The following UNC13C variants were observed in gnomAD, a reference collection of about 807,000 sequenced individuals.
UNC13C encodes the protein protein unc-13 homolog C.
In UNC13C, 174 loss-of-function variants were observed where a neutral mutation model predicts 245.4. The ratio of observed to expected loss-of-function variants is 0.71; its 90% confidence interval spans 0.63 to 0.80. The LOEUF (loss-of-function observed/expected upper bound fraction) is 0.80. UNC13C is among the 30% of genes least tolerant of loss of function. UNC13C has a pLI of 0.00. For synonymous variants in UNC13C, 992 were observed against 895.1 expected (o/e 1.11, Z -1.93); for missense variants, 2,829 against 2,602.9 (o/e 1.09, Z -1.89).
chr15:53,934,390 C>G, the UNC13C span, among the ~76,000 whole-genome samples: 4 of 152,176 alleles, frequency 2.6e-5, no homozygotes, highest in African/African-American at 9.7e-5. Context: ...AGAGTTCTTT[C>G]CAACCCCCGC....
chr15:54,342,087 T>G (rs1249181513), intron 17 of UNC13C, among the ~76,000 whole-genome samples: 1 of 152,212 alleles, frequency 6.6e-6, no homozygotes, highest in Non-Finnish European at 1.5e-5. Flanking sequence ...TGAACGTATT[T>G]TCACATATGA....
the UNC13C span, among the ~76,000 whole-genome samples, chr15:53,943,217 A>G: frequency 3.9e-5 from 6 of 152,192 alleles, no homozygotes; most frequent in Non-Finnish European, 8.8e-5. Context: ...CTGCTTCTTC[A>G]TGTATCAAGT....
rs1491473719 is a variant in UNC13C, at chr15:54,455,206, T to TCTCTCC, written c.4934-39402_4934-39401insCTCTCC. Among the ~76,000 whole-genome samples the TCTCTCC allele has an allele frequency of 2.2e-3, 53 of 24,026 alleles. 5 individuals carry two copies. Among genetic ancestry groups the TCTCTCC allele is most frequent in the South Asian group, 8.5e-3 (4 of 472 alleles). 15.8% of individuals were successfully genotyped at this position (24,026 alleles called of 152,430 possible). A position where few individuals can be genotyped will look rare whatever the true frequency, so the allele number is the denominator to read the frequency against. ...CTCTCTCTCTCTCTCTCTCTCTCTC[T>TCTCTCC]ATATATATATATATATATATATATA... On this transcript the variant is annotated intron_variant, in intron 19 of 32. Transcript: ENST00000260323.
intron 4 of UNC13C, among the ~76,000 whole-genome samples, chr15:54,223,566 T>C (rs2140790939): frequency 6.6e-6 from 1 of 151,646 alleles, no homozygotes; most frequent in East Asian, 1.9e-4. Flanking sequence ...TTGTATGTTT[T>C]GTTTTTGTTT....
the UNC13C span, among the ~76,000 whole-genome samples, chr15:53,903,387 G>T: frequency 6.6e-6 from 1 of 152,156 alleles, no homozygotes; most frequent in African/African-American, 2.4e-5. Flanking sequence ...ATATTTCAGG[G>T]TTTAATCTCT....
At chr15:53,971,842 T>G in the UNC13C span, among the ~76,000 whole-genome samples, 1 of 152,176 alleles carries the variant, frequency 6.6e-6, no homozygotes, top group Non-Finnish European at 1.5e-5. Context: ...ATGATGGTGT[T>G]GATAAAAGGA....
At chr15:54,103,966 ATC>A (rs1022743438) in intron 2 of UNC13C, among the ~76,000 whole-genome samples, 3 of 125,258 alleles carry the variant, frequency 2.4e-5, no homozygotes, top group Admixed American at 8.9e-5. Context: ...GATGGTCTCA[ATC>A]TCTTGACCTC....
chr15:54,030,793 C>T (rs1896325336), intron 2 of UNC13C, among the ~76,000 whole-genome samples: 2 of 152,126 alleles, frequency 1.3e-5, no homozygotes, highest in African/African-American at 4.8e-5. Flanking sequence ...ACACTGTGTC[C>T]TCAGGTGGCA....
At chr15:54,179,339 T>C (rs1220865065) in intron 4 of UNC13C, among the ~76,000 whole-genome samples, 1 of 152,130 alleles carries the variant, frequency 6.6e-6, no homozygotes, top group Non-Finnish European at 1.5e-5. Context: ...ATTTAGTCTG[T>C]ATCTACAGAC....
At chr15:53,868,684 A>C in the UNC13C span, among the ~76,000 whole-genome samples, 1 of 152,208 alleles carries the variant, frequency 6.6e-6, no homozygotes, top group African/African-American at 2.4e-5. Context: ...TAAAGAAGTA[A>C]AAATGACCCA....
intron 10 of UNC13C, among the ~76,000 whole-genome samples, chr15:54,270,027 A>G (rs2036644713): frequency 1.3e-5 from 2 of 152,162 alleles, no homozygotes; most frequent in South Asian, 4.1e-4. Flanking sequence ...TTAAATGCCA[A>G]CTTTTTTAAC....
chr15:54,479,682 T>G (rs4641682), intron 19 of UNC13C, among the ~76,000 whole-genome samples: 67,082 of 151,846 alleles, frequency 0.44, 15,127 homozygotes, highest in East Asian at 0.71. Flanking sequence ...TTTACAATTT[T>G]TTGGGTTTTC....
At chr15:54,454,124 G>GAT (rs111937074) in intron 19 of UNC13C, among the ~76,000 whole-genome samples, 1,036 of 87,660 alleles carry the variant, frequency 0.012, 3 homozygotes, top group African/African-American at 0.038. Flanking sequence ...TTTTTATTGT[G>GAT]ATATATATAT....
the UNC13C span, chr15:53,947,533 C>T: frequency 6.6e-6 from 1 of 152,308 alleles, no homozygotes; most frequent in African/African-American, 2.4e-5. Flanking sequence ...GAAGTAGCTG[C>T]TCCTTTTCCT....
chr15:54,264,126 A>G (rs969096499), intron 8 of UNC13C, 42 bp from the exon 9 acceptor site: 1 of 1,538,178 alleles, frequency 6.5e-7, no homozygotes, highest in Non-Finnish European at 8.8e-7. Flanking sequence ...TCAAAAAGTA[A>G]TGGCATTTCC....
chr15:54,390,060 C>A (rs1259853032), intron 17 of UNC13C, among the ~76,000 whole-genome samples: 1 of 152,126 alleles, frequency 6.6e-6, no homozygotes, highest in Non-Finnish European at 1.5e-5. Context: ...GAGGTCTCCT[C>A]CCAACCCAAG....
At chr15:54,303,722 G>T (rs2037650465) in intron 13 of UNC13C, among the ~76,000 whole-genome samples, 1 of 151,256 alleles carries the variant, frequency 6.6e-6, no homozygotes, top group East Asian at 2.0e-4. Flanking sequence ...GACGACATGT[G>T]CCCAAGGTGG....
intron 4 of UNC13C, among the ~76,000 whole-genome samples, chr15:54,155,960 TA>T (rs1338138634): frequency 6.6e-6 from 1 of 152,186 alleles, no homozygotes; most frequent in African/African-American, 2.4e-5. Context: ...TTGGGAAATG[TA>T]AGTTGAAAGT....
chr15:54,172,705 TATA>T (rs1268623449), intron 4 of UNC13C, among the ~76,000 whole-genome samples: 20 of 39,924 alleles, frequency 5.0e-4, no homozygotes, highest in African/African-American at 3.3e-3. Context: ...CACACACAGA[TATA>T]TATATATATA....
Sources: allele counts gnomAD v4.1 joint callset (sites outside exome capture counted in the v4.1 genomes callset), GRCh38; gene constraint gnomAD v4.1.1; transcripts MANE v1.5; gene names NCBI Gene and HGNC (gene_info 2026-07-23, HGNC 2026-07-21).